Variants in IFNAR1 observed in about 807,000 individuals in gnomAD.
IFNAR1 encodes the protein interferon alpha and beta receptor subunit 1, also known as interferon alpha/beta receptor 1.
A neutral mutation model predicts 62.1 loss-of-function variants in IFNAR1; 47 were observed. That is an observed-to-expected ratio of 0.76 (90% CI 0.60 to 0.97). The LOEUF (loss-of-function observed/expected upper bound fraction) is 0.97, where lower values mean the gene tolerates loss of function less well. Among genes scored for constraint, IFNAR1 ranks in the 50% least tolerant of loss-of-function variants. IFNAR1 has a pLI of 0.00. For synonymous variants in IFNAR1, 219 were observed against 226.9 expected (o/e 0.97, Z 0.31); for missense variants, 638 against 654.5 (o/e 0.97, Z 0.27).
intron 4 of IFNAR1, 29 bp downstream of exon 4, chr21:33,343,451 C>G: frequency 1.3e-6 from 2 of 1,591,702 alleles, no homozygotes; most frequent in Non-Finnish European, 1.7e-6. Context: ...TCTGTTTAAT[C>G]GATGTGAGAG....
At chr21:33,325,245 G>A (rs893010327) in intron 1 of IFNAR1, 114 bp downstream of exon 1, 3 of 927,414 alleles carry the variant, frequency 3.2e-6, no homozygotes. Context: ...GAAACCTTCG[G>A]TCCACTTTGC....
Position 33,327,459 on chromosome 21 carries a change from C to G in IFNAR1, c.76+2328C>G, listed in dbSNP as rs1336270824. 3.9e-5 allele frequency among the ~76,000 whole-genome samples: 6 copies of G among 152,244 alleles called. No homozygotes were observed. In the East Asian group the frequency reaches 7.7e-4, roughly 20 times the overall value. On this transcript the variant is annotated intron_variant, in intron 1 of 10. Coordinates refer to ENST00000270139, the MANE Select transcript of IFNAR1 (RefSeq NM_000629.3). ...GTTAACAGACAAGGAAACTGAGCAA[C>G]GGAGAGATCAAGTAACTTGCCTGAG... is the stretch of plus-strand genomic sequence containing the variant.
intron 1 of IFNAR1, among the ~76,000 whole-genome samples, chr21:33,327,822 A>T (rs1191049748): frequency 3.3e-5 from 5 of 152,212 alleles, no homozygotes. Flanking sequence ...CAATCAGTAC[A>T]TCTAAGATGT....
At chr21:33,337,179 C>T (rs1568927773) in intron 2 of IFNAR1, among the ~76,000 whole-genome samples, 1 of 151,830 alleles carries the variant, frequency 6.6e-6, no homozygotes, top group Non-Finnish European at 1.5e-5. Flanking sequence ...GCCAAGTTTG[C>T]ACCACTGTAC....
In IFNAR1 at chr21:33,344,705, A is replaced by G. The variant is rs529973884; in HGVS notation, c.674-541A>G. On this transcript the variant is annotated intron_variant, in intron 5 of 10. Transcript: ENST00000270139. Reference sequence around the variant, plus strand: ...TGTTGGGGATATTCTATATCACTCAATACAGATCTATTACGTTCTTCATTT... The same window carrying G: ...TGTTGGGGATATTCTATATCACTCAGTACAGATCTATTACGTTCTTCATTT... 2.6e-5 allele frequency among the ~76,000 whole-genome samples: 4 copies of G among 152,116 alleles called. 1 individual carries two copies. The highest frequency in any genetic ancestry group is 7.2e-5 in the African/African-American group (3 of 41,540).
chr21:33,334,042 A>T (rs2083208766), intron 1 of IFNAR1, among the ~76,000 whole-genome samples: 1 of 152,206 alleles, frequency 6.6e-6, no homozygotes, highest in Non-Finnish European at 1.5e-5. Flanking sequence ...CTTATGTCAG[A>T]TTAAACAGAC....
Position 33,343,315 on chromosome 21 carries a change from A to G in IFNAR1, c.424A>G (p.Ile142Val), listed in dbSNP as rs1200884913. 4 of 1,613,254 alleles carry G rather than the reference A, an allele frequency of 2.5e-6. No individual in the cohort carries two copies. The highest frequency in any genetic ancestry group is 2.2e-5 in the East Asian group (1 of 44,878). ...EVHLEAEDKA[I>V]VIHISPGTKD... ...ACATTTAGAAGCTGAAGATAAGGCA[A>G]TAGTGATACACATCTCTCCTGGAAC... The change falls in exon 4 of 11, where the codon ATA becomes GTA. Residue 142 changes from isoleucine to valine, a missense_variant. Transcript: ENST00000270139.
Position 33,340,907 on chromosome 21 carries a change from A to G in IFNAR1, c.201-92A>G, listed in dbSNP as rs1276800627. ...TCTTAAACAAGAGTTATTAAGAGTTAAGAAATAACTCTTATACCAGTAAAT... is the reference window on the plus strand; with the variant it reads ...TCTTAAACAAGAGTTATTAAGAGTTGAGAAATAACTCTTATACCAGTAAAT... On this transcript the variant is annotated intron_variant, in intron 2 of 10. Coordinates refer to ENST00000270139, the MANE Select transcript of IFNAR1 (RefSeq NM_000629.3). The G allele has an allele frequency of 1.1e-5, 9 of 795,754 alleles. No individual in the cohort carries two copies. The Admixed American group carries it at 2.2e-4, about 20-fold the overall frequency. 49.3% of individuals were successfully genotyped at this position (795,754 alleles called of 1,614,324 possible).
intron 9 of IFNAR1, 132 bp downstream of exon 9, chr21:33,353,040 G>A: frequency 3.6e-6 from 2 of 549,718 alleles, no homozygotes; most frequent in Non-Finnish European, 5.9e-6. Context: ...TTTTCTTCAT[G>A]AACTACATGA....
chr21:33,335,836 G>A (rs2083228640), intron 2 of IFNAR1, among the ~76,000 whole-genome samples, 189 bp downstream of exon 2: 1 of 151,374 alleles, frequency 6.6e-6, no homozygotes, highest in African/African-American at 2.4e-5. Context: ...GGGTGTTGAA[G>A]CAAAAAATTG....
rs953365314 is a variant in IFNAR1, at chr21:33,325,180, G to C, written c.76+49G>C. The C allele has an allele frequency of 3.3e-6, 5 of 1,499,354 alleles. No homozygotes were observed. The African/African-American group carries it at 5.5e-5, about 16-fold the overall frequency. 92.9% of individuals were successfully genotyped at this position (1,499,354 alleles called of 1,614,324 possible). ...TGGCGCAGGGCGGGAGGTAGGGCAC[G>C]CAGCTGGGCTACGGGGGCGGCGATG... is the stretch of plus-strand genomic sequence containing the variant. On this transcript the variant is annotated intron_variant, in intron 1 of 10. Transcript: ENST00000270139.
At chr21:33,324,838 G>T (rs1386599041), upstream of IFNAR1, 8 of 580,202 alleles carry the variant, frequency 1.4e-5, 1 homozygote, top group South Asian at 1.6e-4. Flanking sequence ...GAGAAGGGGT[G>T]CTAGCTAGGA....
chr21:33,358,841 T>TTATATA lies in IFNAR1; in HGVS notation c.*3303_*3308dup, dbSNP rs375942471. On this transcript the variant is annotated 3_prime_UTR_variant, in exon 11 of 11. Transcript: ENST00000270139. ...TAACATGGCCAGACCCCATCTCTAT[T>TTATATA]TATATATATATATATAAAACTTAGA... 1,147 of 150,196 alleles carry TTATATA rather than the reference T, an allele frequency of 7.6e-3. 20 individuals carry two copies. Among genetic ancestry groups the TTATATA allele is most frequent in the African/African-American group, 0.027 (1,092 of 40,764 alleles). 9.3% of individuals were successfully genotyped at this position (150,196 alleles called of 1,614,324 possible). A position where few individuals can be genotyped will look rare whatever the true frequency, so the allele number is the denominator to read the frequency against.
chr21:33,328,392 G>A (rs1043973937), intron 1 of IFNAR1, among the ~76,000 whole-genome samples: 4 of 152,236 alleles, frequency 2.6e-5, no homozygotes, highest in East Asian at 1.9e-4. Context: ...ACCTCACTTC[G>A]CATCATGGCC....
At position 33,345,335 on chromosome 21, in the gene IFNAR1, A is replaced by C. The variant is rs1202453452; in HGVS notation, c.763A>C (p.Met255Leu). ...TAAATGGGATTATACATATGCAAAC[A>C]TGACCTTTCAAGTTCAGTGGCTCCA... is the stretch of plus-strand genomic sequence containing the variant. ...VLKWDYTYANMTFQVQWLHAF... is the reference protein window; with the variant it reads ...VLKWDYTYANLTFQVQWLHAF... Residue 255 changes from methionine (M) to leucine (L), a missense_variant, in exon 6 of 11, where the codon ATG (methionine) becomes CTG (leucine). Met to Leu is a conservative substitution (Grantham distance 15). Coordinates refer to ENST00000270139, the MANE Select transcript of IFNAR1 (RefSeq NM_000629.3). 6.3e-7 allele frequency: 1 copy of C among 1,595,120 alleles called. No homozygotes were observed. Among genetic ancestry groups the C allele is most frequent in the Non-Finnish European group, 8.6e-7 (1 of 1,163,308 alleles).
In IFNAR1 at chr21:33,352,190, A is replaced by G. The variant is rs17875843; in HGVS notation, c.1144-568A>G. On this transcript the variant is annotated intron_variant, in intron 8 of 10. Coordinates refer to ENST00000270139, the MANE Select transcript of IFNAR1 (RefSeq NM_000629.3). ...TCTGTCACTAATCAGAGGTAATACA[A>G]TGGCAATTACCCCAGACTTGGCATG... Among the ~76,000 whole-genome samples, 451 of 152,280 alleles carry G rather than the reference A, an allele frequency of 3.0e-3. 3 individuals carry two copies. Among genetic ancestry groups the G allele is most frequent in the African/African-American group, 0.01 (425 of 41,558 alleles).
In IFNAR1 at chr21:33,352,770, G is replaced by C; in HGVS notation, c.1156G>C (p.Glu386Gln). The C allele has an allele frequency of 6.6e-7, 1 of 1,504,310 alleles. No homozygotes were observed. Among genetic ancestry groups the C allele is most frequent in the South Asian group, 1.3e-5 (1 of 79,430 alleles). The allele number at this position is 1,504,310 out of a possible 1,614,324, so 93.2% of individuals were successfully genotyped here. Residue 386 changes from glutamate to glutamine, a missense_variant, in exon 9 of 11, where the codon GAG becomes CAG. Glu to Gln is a conservative substitution (Grantham distance 29). Coordinates refer to ENST00000270139, the MANE Select transcript of IFNAR1 (RefSeq NM_000629.3). ...NTSNAERKII[E>Q]KKTDVTVPNL... ...TTATATTTTCTAGAGAAAAATTATC[G>C]AGAAAAAAACTGATGTTACAGTTCC...
intron 9 of IFNAR1, 142 bp from the exon 10 acceptor site, chr21:33,353,496 G>A (rs2083417456): frequency 1.9e-6 from 1 of 532,148 alleles, no homozygotes; most frequent in Non-Finnish European, 3.2e-6. Flanking sequence ...TGTGGACTCA[G>A]TGCTGCCAGA....
intron 1 of IFNAR1, among the ~76,000 whole-genome samples, chr21:33,332,246 C>A (rs1601853827): frequency 6.6e-6 from 1 of 152,330 alleles, no homozygotes; most frequent in Middle Eastern, 3.4e-3. Context: ...CCACAAACTT[C>A]TGCAGCCTAG....
Sources: allele counts gnomAD v4.1 joint callset (sites outside exome capture counted in the v4.1 genomes callset), GRCh38; gene constraint gnomAD v4.1.1; transcripts MANE v1.5; gene names NCBI Gene and HGNC (gene_info 2026-07-23, HGNC 2026-07-21).